FADS2: variants seen among roughly 807,000 people sequenced by gnomAD.
The protein encoded by FADS2 is acyl-CoA 6-desaturase.
In FADS2, 18 loss-of-function variants were observed where a neutral mutation model predicts 61.2. That is an observed-to-expected ratio of 0.29 (90% confidence interval 0.20 to 0.44). The LOEUF is 0.44. Ranked by LOEUF, FADS2 falls within the 20% of genes least tolerant of loss-of-function variation. FADS2 has a pLI of 1.00. For missense variants in FADS2, 322 were observed against 572.7 expected, an observed-to-expected ratio of 0.56 and a Z score of 4.47; for synonymous variants, 203 against 223.9, an observed-to-expected ratio of 0.91 and a Z score of 0.83.
upstream of FADS2, among the ~76,000 whole-genome samples, chr11:61,824,488 GAGAAAGAAAGAAAGGAAAGAAAGAA>G (rs2067063017): frequency 2.6e-4 from 14 of 54,254 alleles, no homozygotes; most frequent in African/African-American, 1.1e-3. Context: ...GAGAGAGAGA[GAGAAAGAAAGAAAGGAAAGAAAGAA>G]AGAAAGAAAG....
upstream of FADS2, chr11:61,826,363 A>G (rs776730320): frequency 2.7e-5 from 19 of 702,488 alleles, no homozygotes; most frequent in Middle Eastern, 2.3e-4. Context: ...GCCACCCTAC[A>G]CAGGCCACCC....
At chr11:61,858,798 C>G (rs174604) in intron 7 of FADS2, among the ~76,000 whole-genome samples, 67,053 of 152,008 alleles carry the variant, frequency 0.44, 15,720 homozygotes, top group African/African-American at 0.56. Context: ...GTTGGCCAGG[C>G]TGGTCTCGAA....
At chr11:61,824,394 A>AAAAGG (rs2067053837), upstream of FADS2, among the ~76,000 whole-genome samples, 1 of 17,342 alleles carries the variant, frequency 5.8e-5, no homozygotes, top group Non-Finnish European at 1.3e-4. Context: ...GGGAAAAAAA[A>AAAAGG]AGAGAGAGAG....
chr11:61,857,612 C>T (rs539770860), intron 7 of FADS2, 82 bp downstream of exon 7: 19 of 1,251,354 alleles, frequency 1.5e-5, no homozygotes, highest in African/African-American at 7.4e-5. Context: ...GCTGCCTCCT[C>T]GTGTGCCCCA....
At chr11:61,853,025 C>G (rs1207204768) in intron 5 of FADS2, among the ~76,000 whole-genome samples, 1 of 152,096 alleles carries the variant, frequency 6.6e-6, no homozygotes, top group Non-Finnish European at 1.5e-5. Context: ...CATGGTGGCA[C>G]ACGCCTGTAG....
At position 61,848,289 on chromosome 11, in the gene FADS2, G is replaced by A. The variant is rs867184224; in HGVS notation, c.744+5G>A. 9 of 1,613,876 alleles carry A rather than the reference G, an allele frequency of 5.6e-6. No individual in the cohort carries two copies. In the Admixed American group the frequency reaches 6.7e-5, roughly 12 times the overall value. On this transcript the variant is annotated splice_donor_5th_base_variant and intron_variant, in intron 5 of 11. Transcript: ENST00000278840. The stretch of plus-strand genomic sequence containing the variant: ...GGCGAATGGCAGCCCATCGAGGTAC[G>A]ACTAAGAGGATGGTGTTGACCTAGG...
chr11:61,852,135 T>G (rs1259080766), intron 5 of FADS2, among the ~76,000 whole-genome samples: 2 of 152,306 alleles, frequency 1.3e-5, no homozygotes, highest in Middle Eastern at 3.4e-3. Flanking sequence ...GGCTGGGCTG[T>G]CTGTCCTCTC....
chr11:61,825,315 C>T (rs192530295), upstream of FADS2, among the ~76,000 whole-genome samples: 1 of 151,732 alleles, frequency 6.6e-6, no homozygotes, highest in Non-Finnish European at 1.5e-5. Context: ...GGTCTTGATT[C>T]TACCTCCAAA....
upstream of FADS2, chr11:61,828,066 C>T (rs2067097681): frequency 4.9e-6 from 6 of 1,219,916 alleles, no homozygotes; most frequent in South Asian, 4.3e-5. This position sits in a 1 kb window ranked among gnomAD's most constrained non-coding sequence, Gnocchi z 6.4. Context: ...GAGGGGCGGG[C>T]AGAGGAGGTG....
intron 5 of FADS2, chr11:61,848,641 T>A: frequency 5.1e-6 from 1 of 197,348 alleles, no homozygotes; most frequent in Non-Finnish European, 1.0e-5. Flanking sequence ...CCTCCTACCC[T>A]TAGGCCAGGA....
chr11:61,858,219 A>G (rs1488129380), intron 7 of FADS2, among the ~76,000 whole-genome samples: 4 of 150,632 alleles, frequency 2.7e-5, no homozygotes, highest in African/African-American at 9.7e-5. Context: ...ACAGAGTCAC[A>G]TAGGCTGGAG....
chr11:61,825,900 A>T, upstream of FADS2: 10 of 593,028 alleles, frequency 1.7e-5, no homozygotes, highest in South Asian at 1.6e-4. Flanking sequence ...CTCAAAAAAA[A>T]ATTAGAGGGC....
At chr11:61,848,507 G>A (rs139762727) in intron 5 of FADS2, among the ~76,000 whole-genome samples, 1 of 152,304 alleles carries the variant, frequency 6.6e-6, no homozygotes, top group East Asian at 1.9e-4. Context: ...AGCCAGGCAG[G>A]TCCACATCTC....
rs2067104159 is a variant in FADS2, at chr11:61,828,849, GC to G, written c.207+253del. On this transcript the variant is annotated intron_variant, in intron 1 of 11. Coordinates refer to ENST00000278840, the MANE Select transcript of FADS2 (RefSeq NM_004265.4). The surrounding 1 kb of genome is among the most constrained non-coding windows in gnomAD (Gnocchi z 6.4). ...GAAAGTCCCAGCGGTGGAGAACAGG[GC>G]AAGCATCTACCGCGCGCGCCGGGAC... 4.2e-6 allele frequency: 2 copies of G among 478,918 alleles called. No individual in the cohort carries two copies. The highest frequency in any genetic ancestry group is 3.7e-6 in the Non-Finnish European group (1 of 269,776). The allele number at this position is 478,918 out of a possible 1,614,324, so 29.7% of individuals were successfully genotyped here. A position where few individuals can be genotyped will look rare whatever the true frequency, so the allele number is the denominator to read the frequency against.
intron 7 of FADS2, chr11:61,862,736 C>G (rs758568478): frequency 7.5e-5 from 41 of 543,506 alleles, no homozygotes; most frequent in Non-Finnish European, 1.2e-4. Flanking sequence ...GTTTCTCTCC[C>G]GAAAAACAGG....
intron 1 of FADS2, among the ~76,000 whole-genome samples, chr11:61,834,968 C>A (rs1248692305): frequency 2.7e-5 from 4 of 148,128 alleles, no homozygotes; most frequent in African/African-American, 9.8e-5. Flanking sequence ...CACCCTGGGC[C>A]TCCTCCCTGC....
At chr11:61,831,940 C>A (rs1422394410) in intron 1 of FADS2, among the ~76,000 whole-genome samples, 2 of 152,220 alleles carry the variant, frequency 1.3e-5, no homozygotes, top group Non-Finnish European at 2.9e-5. Context: ...CCCACCACTG[C>A]AGAACTGTTC....
At chr11:61,819,997 T>C (rs1294600316) in intron 1 of FADS2, among the ~76,000 whole-genome samples, 1 of 151,738 alleles carries the variant, frequency 6.6e-6, no homozygotes. Flanking sequence ...CAGAGGCAGG[T>C]GGACCACCTG....
chr11:61,840,975 C>T (rs140682339), intron 4 of FADS2, among the ~76,000 whole-genome samples: 42 of 152,070 alleles, frequency 2.8e-4, no homozygotes, highest in African/African-American at 9.4e-4. Context: ...TTTGGCTCAG[C>T]GGATTGTATT....
Sources: gnomAD v4.1 joint callset for allele counts (sites outside exome capture counted in the v4.1 genomes callset) on GRCh38, gnomAD v4.1.1 for gene constraint, Gnocchi (gnomAD v3.1) non-coding constraint, MANE v1.5 for transcripts, NCBI Gene and HGNC (gene_info 2026-07-23, HGNC 2026-07-21) for gene names.